The following NBAS variants were observed in gnomAD, a reference collection of about 807,000 sequenced individuals.
The protein encoded by NBAS is NBAS subunit of NRZ tethering complex, also known as NAG/BC035112 fusion.
A neutral mutation model predicts 302.5 loss-of-function variants in NBAS; 219 were observed. The observed-to-expected ratio is 0.72, with a 90% CI of 0.65 to 0.81. The LOEUF (loss-of-function observed/expected upper bound fraction) is 0.81. Ranked by LOEUF, NBAS falls within the 30% of genes least tolerant of loss-of-function variation. The probability of loss-of-function intolerance (pLI) is 0.00; values close to 1 mark genes in which losing one functional copy is unlikely to be tolerated. For synonymous variants in NBAS, 1,118 were observed against 1,021.6 expected, an observed-to-expected ratio of 1.09 and a Z score of -1.80; for missense variants, 2,932 against 2,841.6, an observed-to-expected ratio of 1.03 and a Z score of -0.72.
At chr2:15,188,484 G>T (rs1424144983) in intron 49 of NBAS, among the ~76,000 whole-genome samples, 1 of 152,162 alleles carries the variant, frequency 6.6e-6, no homozygotes, top group African/African-American at 2.4e-5. Context: ...CAGAATATTT[G>T]ATTTATGCCC....
intron 21 of NBAS, among the ~76,000 whole-genome samples, chr2:15,433,548 C>T (rs1471309547): frequency 6.6e-5 from 10 of 152,020 alleles, no homozygotes; most frequent in African/African-American, 1.9e-4. Context: ...CTAACAACTG[C>T]GATAACCTCC....
chr2:14,858,573 C>T, the NBAS span, among the ~76,000 whole-genome samples: 1 of 152,034 alleles, frequency 6.6e-6, no homozygotes, highest in African/African-American at 2.4e-5. Flanking sequence ...GAAAGACAAA[C>T]TTCGCATCAA....
At chr2:15,415,850 A>G (rs1676905070) in intron 24 of NBAS, 131 bp from the exon 25 acceptor site, 2 of 929,180 alleles carry the variant, frequency 2.2e-6, no homozygotes, top group Non-Finnish European at 1.7e-6. Flanking sequence ...CCAACACTCT[A>G]AAACACACAG....
At chr2:15,438,772 A>C (rs200070393) in intron 21 of NBAS, among the ~76,000 whole-genome samples, 9 of 152,180 alleles carry the variant, frequency 5.9e-5, no homozygotes, top group East Asian at 1.9e-4. Flanking sequence ...ACTGAGAAAG[A>C]AAGCTCCAAA....
chr2:14,782,479 G>T, the NBAS span, among the ~76,000 whole-genome samples: 3 of 152,192 alleles, frequency 2.0e-5, no homozygotes, highest in Non-Finnish European at 4.4e-5. Flanking sequence ...AGGTTGCAGA[G>T]AAAAGTGAAC....
At chr2:15,556,843 G>A (rs1405470377) in intron 2 of NBAS, 24 bp from the exon 3 acceptor site, 3 of 1,584,852 alleles carry the variant, frequency 1.9e-6, no homozygotes, top group South Asian at 1.1e-5. Context: ...AAATGGCAAA[G>A]CCAAATATAA....
intron 9 of NBAS, among the ~76,000 whole-genome samples, chr2:15,527,099 G>A (rs200612605): frequency 1.7e-3 from 232 of 137,036 alleles, no homozygotes; most frequent in Non-Finnish European, 1.9e-3. Context: ...AGGGACAAGA[G>A]AAAAAAAAAA....
chr2:14,989,014 T>C, the NBAS span, among the ~76,000 whole-genome samples: 1 of 152,092 alleles, frequency 6.6e-6, no homozygotes, highest in Non-Finnish European at 1.5e-5. Context: ...AGAATTAATA[T>C]AAATGTCCAG....
At chr2:15,230,086 C>A (rs374860639) in intron 47 of NBAS, among the ~76,000 whole-genome samples, 1 of 151,978 alleles carries the variant, frequency 6.6e-6, no homozygotes, top group East Asian at 1.9e-4. Flanking sequence ...CTTGGTATGT[C>A]AACAAGAGAA....
chr2:15,248,743 C>T (rs956069932), intron 44 of NBAS, among the ~76,000 whole-genome samples: 8 of 152,248 alleles, frequency 5.3e-5, no homozygotes, highest in African/African-American at 1.9e-4. Context: ...TGGACACATA[C>T]ACCCTCCCAA....
intron 44 of NBAS, among the ~76,000 whole-genome samples, chr2:15,257,186 T>C (rs1019312868): frequency 6.6e-6 from 1 of 152,208 alleles, no homozygotes; most frequent in Non-Finnish European, 1.5e-5. Context: ...TGGACTTTTT[T>C]GGTTGGCAAT....
intron 26 of NBAS, among the ~76,000 whole-genome samples, chr2:15,399,064 T>C (rs1676016697): frequency 6.6e-6 from 1 of 152,198 alleles, no homozygotes; most frequent in Admixed American, 6.5e-5. Context: ...AGCCTATTGA[T>C]ACTATGACAA....
chr2:14,800,181 G>T, the NBAS span, among the ~76,000 whole-genome samples: 1 of 152,054 alleles, frequency 6.6e-6, no homozygotes, highest in Non-Finnish European at 1.5e-5. Flanking sequence ...ATTCCATGCC[G>T]ATAAGGTTTG....
chr2:15,289,432 G>C (rs747674167), intron 41 of NBAS, among the ~76,000 whole-genome samples: 4 of 152,122 alleles, frequency 2.6e-5, no homozygotes, highest in African/African-American at 9.7e-5. Flanking sequence ...ATTTATTTGA[G>C]TACCTACCTC....
the NBAS span, among the ~76,000 whole-genome samples, chr2:15,118,201 G>A: frequency 4.3e-4 from 66 of 152,186 alleles, no homozygotes; most frequent in Non-Finnish European, 8.2e-4. Context: ...ATTGATCATC[G>A]TGTCTTCCAC....
chr2:15,022,770 T>C, the NBAS span, among the ~76,000 whole-genome samples: 1 of 152,330 alleles, frequency 6.6e-6, no homozygotes, highest in South Asian at 2.1e-4. Context: ...GTCCTGCTTC[T>C]ATTTGCATAC....
At chr2:15,056,437 T>C in the NBAS span, among the ~76,000 whole-genome samples, 1 of 152,216 alleles carries the variant, frequency 6.6e-6, no homozygotes, top group Non-Finnish European at 1.5e-5. Context: ...TTTCTAAAAT[T>C]TGAGACTGAT....
rs55808465 is a variant in NBAS, at chr2:15,463,788, C to CAAAAAAAAAAAAAAAAAAAAA, written c.2098-1998_2098-1997insTTTTTTTTTTTTTTTTTTTTT. 1.1e-4 allele frequency among the ~76,000 whole-genome samples: 10 copies of CAAAAAAAAAAAAAAAAAAAAA among 91,646 alleles called. 2 individuals carry two copies. The highest frequency in any genetic ancestry group is 2.6e-4 in the African/African-American group (6 of 23,006). The allele number at this position is 91,646 out of a possible 152,430, so 60.1% of individuals were successfully genotyped here. On this transcript the variant is annotated intron_variant, in intron 19 of 51. Transcript: ENST00000281513. The stretch of plus-strand genomic sequence containing the variant: ...AATCCTCATTCAAATGAACCAAATG[C>CAAAAAAAAAAAAAAAAAAAAA]AAAAAAAAAAAAAAAAAGCACCAGG...
At chr2:15,269,859 T>C (rs1296778340) in intron 44 of NBAS, among the ~76,000 whole-genome samples, 6 of 152,230 alleles carry the variant, frequency 3.9e-5, no homozygotes, top group Non-Finnish European at 7.3e-5. Context: ...CTTTATCACA[T>C]GTTGAGTTTC....
Sources: gnomAD v4.1 joint callset for allele counts (sites outside exome capture counted in the v4.1 genomes callset) on GRCh38, gnomAD v4.1.1 for gene constraint, MANE v1.5 for transcripts, NCBI Gene and HGNC (gene_info 2026-07-23, HGNC 2026-07-21) for gene names.